Variants in AFF3 observed in about 807,000 individuals in gnomAD.
The protein encoded by AFF3 is AF4/FMR2 family member 3.
A neutral mutation model predicts 129.7 loss-of-function variants in AFF3; 32 were observed. That is an observed-to-expected ratio of 0.25 (90% CI 0.19 to 0.33). The LOEUF is 0.33. Ranked by LOEUF, AFF3 falls within the 10% of genes least tolerant of loss-of-function variation. The probability of loss-of-function intolerance (pLI) is 1.00; values close to 1 mark genes in which losing one functional copy is unlikely to be tolerated. For synonymous variants in AFF3, 644 were observed against 635.4 expected (o/e 1.01, Z -0.20); for missense variants, 1,373 against 1,592.0 (o/e 0.86, Z 2.34).
chr2:99,945,572 C>T (rs112167384), intron 7 of AFF3, among the ~76,000 whole-genome samples: 9 of 152,288 alleles, frequency 5.9e-5, no homozygotes, highest in African/African-American at 1.9e-4. Context: ...TCTACTTGCT[C>T]AATTTTTACC....
chr2:100,092,005 T>A (rs1219133786), intron 4 of AFF3, among the ~76,000 whole-genome samples: 1 of 148,740 alleles, frequency 6.7e-6, no homozygotes, highest in Non-Finnish European at 1.5e-5. Flanking sequence ...TCTCATTCTC[T>A]CCTCCTCCGC....
At chr2:99,819,535 T>C (rs1046618326) in intron 8 of AFF3, among the ~76,000 whole-genome samples, 6 of 152,240 alleles carry the variant, frequency 3.9e-5, no homozygotes, top group Non-Finnish European at 8.8e-5. Flanking sequence ...AAAATTGGTT[T>C]ACCTCCACAA....
intron 4 of AFF3, among the ~76,000 whole-genome samples, chr2:100,062,428 CA>C (rs770132603): frequency 6.6e-5 from 10 of 152,044 alleles, no homozygotes; most frequent in Non-Finnish European, 1.3e-4. Flanking sequence ...AAAATGTCTA[CA>C]GGGGCAAAAA....
intron 13 of AFF3, among the ~76,000 whole-genome samples, chr2:99,611,866 G>T (rs1281342843): frequency 6.7e-6 from 1 of 148,990 alleles, no homozygotes; most frequent in Non-Finnish European, 1.5e-5. Context: ...CAGCCTGGGC[G>T]ACAGAGTGAG....
chr2:100,124,245 AT>A (rs934724699), intron 2 of AFF3, among the ~76,000 whole-genome samples: 5 of 152,196 alleles, frequency 3.3e-5, no homozygotes, highest in Admixed American at 1.3e-4. Flanking sequence ...TATCAAAGAA[AT>A]ACTTGAAGAA....
At chr2:100,016,271 CAGTGGT>C (rs1242366401) in intron 4 of AFF3, among the ~76,000 whole-genome samples, 7 of 117,652 alleles carry the variant, frequency 5.9e-5, no homozygotes, top group Non-Finnish European at 1.1e-4. Context: ...GTGGCGGTGG[CAGTGGT>C]AGTGGGGGTG....
rs1323616221 is a variant in AFF3 at position 99,549,062 on chromosome 2, A to T, written c.*2412T>A. On this transcript the variant is annotated 3_prime_UTR_variant, in exon 25 of 25. Transcript: ENST00000672756. ...ATGGGGCTTCACAGGGAAGCTCATC[A>T]CATAGATGTTACAACAAAGTCTGCA... 1 of 227,818 alleles carries T rather than the reference A, an allele frequency of 4.4e-6. No homozygotes were observed. The highest frequency in any genetic ancestry group is 8.7e-6 in the Non-Finnish European group (1 of 114,752). The allele number at this position is 227,818 out of a possible 1,614,324, so 14.1% of individuals were successfully genotyped here.
intron 16 of AFF3, 125 bp from the exon 17 acceptor site, chr2:99,583,124 T>C (rs1038683756): frequency 3.9e-6 from 3 of 761,508 alleles, no homozygotes; most frequent in African/African-American, 3.5e-5. Flanking sequence ...GGAATTATTA[T>C]ACCAGGAAAC....
chr2:99,779,174 G>A (rs13433082), intron 8 of AFF3, among the ~76,000 whole-genome samples: 19,721 of 152,016 alleles, frequency 0.13, 2,735 homozygotes, highest in African/African-American at 0.35. Context: ...TTTTCCATGG[G>A]TATCTGTTCT....
At chr2:100,036,892 T>G (rs1684964989) in intron 4 of AFF3, among the ~76,000 whole-genome samples, 1 of 151,268 alleles carries the variant, frequency 6.6e-6, no homozygotes, top group Non-Finnish European at 1.5e-5. Flanking sequence ...CATTTTTACC[T>G]ACCAAATAGG....
At chr2:99,669,882 G>C (rs867316211) in intron 12 of AFF3, among the ~76,000 whole-genome samples, 1 of 152,110 alleles carries the variant, frequency 6.6e-6, no homozygotes, top group Non-Finnish European at 1.5e-5. Context: ...CCTGGGAGGC[G>C]GAGGTTGCAG....
intron 7 of AFF3, among the ~76,000 whole-genome samples, chr2:99,872,715 C>T (rs903939902): frequency 3.3e-5 from 5 of 152,024 alleles, no homozygotes; most frequent in Non-Finnish European, 7.4e-5. Context: ...CATCATGCAT[C>T]GGTCATTTAG....
chr2:99,714,702 A>G (rs995623607), intron 11 of AFF3, among the ~76,000 whole-genome samples: 2 of 152,188 alleles, frequency 1.3e-5, no homozygotes, highest in South Asian at 4.1e-4. Flanking sequence ...ACTTCCAGAC[A>G]CTACTCTATG....
intron 7 of AFF3, among the ~76,000 whole-genome samples, chr2:99,848,441 T>C (rs1689895493): frequency 6.6e-6 from 1 of 152,178 alleles, no homozygotes; most frequent in African/African-American, 2.4e-5. Flanking sequence ...GAAAACCATG[T>C]GCTTAGGCCA....
chr2:99,578,204 C>A, intron 18 of AFF3, 123 bp downstream of exon 18: 1 of 1,352,962 alleles, frequency 7.4e-7, no homozygotes. Flanking sequence ...TGACCAAGTC[C>A]CAGGGGAAAA....
At chr2:99,606,100 T>A (rs1470415525) in intron 13 of AFF3, among the ~76,000 whole-genome samples, 2 of 152,158 alleles carry the variant, frequency 1.3e-5, no homozygotes, top group East Asian at 3.9e-4. Context: ...GGCAGCATAG[T>A]GAAACCCTGT....
intron 7 of AFF3, among the ~76,000 whole-genome samples, chr2:99,989,944 A>G (rs1210589865): frequency 2.6e-5 from 4 of 152,132 alleles, no homozygotes; most frequent in African/African-American, 7.2e-5. Flanking sequence ...AGTGCTAACA[A>G]TATTAGCTGT....
At chr2:99,827,421 C>G (rs7560078) in intron 8 of AFF3, among the ~76,000 whole-genome samples, 133,778 of 152,078 alleles carry the variant, frequency 0.88, 58,991 homozygotes, top group African/African-American at 0.95. Context: ...CTGCAGTCAG[C>G]AACATCAAAT....
intron 13 of AFF3, among the ~76,000 whole-genome samples, chr2:99,626,156 TTGG>T (rs1430509372): frequency 2.0e-5 from 3 of 152,198 alleles, no homozygotes; most frequent in African/African-American, 7.2e-5. Flanking sequence ...GGTAGAAATG[TTGG>T]AATTTAATAA....
Sources: gnomAD v4.1 joint callset for allele counts (sites outside exome capture counted in the v4.1 genomes callset) on GRCh38, gnomAD v4.1.1 for gene constraint, MANE v1.5 for transcripts, NCBI Gene and HGNC (gene_info 2026-07-23, HGNC 2026-07-21) for gene names.